Variants in KLHL28 observed in about 807,000 individuals in gnomAD.
The protein encoded by KLHL28 is kelch like family member 28.
In KLHL28, 22 loss-of-function variants were observed where a neutral mutation model predicts 48.3. The observed-to-expected ratio is 0.46, with a 90% CI of 0.33 to 0.65. The LOEUF (loss-of-function observed/expected upper bound fraction) is 0.65. KLHL28 is among the 30% of genes least tolerant of loss of function. The probability of loss-of-function intolerance (pLI) is 0.03; values close to 1 mark genes in which losing one functional copy is unlikely to be tolerated. For missense variants in KLHL28, 527 were observed against 704.3 expected (o/e 0.75, Z 2.85); for synonymous variants, 243 against 242.4 (o/e 1.00, Z -0.02).
At chr14:44,940,826 T>G (rs1018625107) in intron 2 of KLHL28, among the ~76,000 whole-genome samples, 1 of 152,160 alleles carries the variant, frequency 6.6e-6, no homozygotes, top group Non-Finnish European at 1.5e-5. Context: ...CCCTCTTTAC[T>G]TATCTCTTTA....
At chr14:44,946,405 T>G (rs937662694) in intron 1 of KLHL28, among the ~76,000 whole-genome samples, 2 of 152,134 alleles carry the variant, frequency 1.3e-5, no homozygotes, top group African/African-American at 4.8e-5. Context: ...TACCCAAAAT[T>G]TCAATAATTG....
rs112905747 is a variant in KLHL28, at chr14:44,954,510, G to T, written c.-1+7336C>A. On this transcript the variant is annotated intron_variant, in intron 1 of 4. Coordinates refer to ENST00000396128, the MANE Select transcript of KLHL28 (RefSeq NM_017658.5). ...TCCACACAATGCAGTACTATACAGC[G>T]ATGAAAAGGAATGAGGAATCTCTGT... Among the ~76,000 whole-genome samples the T allele has an allele frequency of 2.0e-5, 3 of 152,268 alleles. No homozygotes were observed. In the South Asian group the frequency reaches 6.2e-4, roughly 32 times the overall value.
Position 44,934,225 on chromosome 14 carries a change from T to C in KLHL28, c.1233A>G (p.Arg411=), listed in dbSNP as rs781600798. Residue 411 remains arginine (R), a synonymous_variant, in exon 3 of 5, where the codon AGA becomes AGG. Transcript: ENST00000396128. ...QSVEKYIPKI[R]KWQPVAPMTT... is the part of the protein sequence containing the mutation. ...TCATTGGTGCCACAGGTTGCCATTTTCTTATTTTGGGAATGTACTTCTCTA... is the reference window on the plus strand; with the variant it reads ...TCATTGGTGCCACAGGTTGCCATTTCCTTATTTTGGGAATGTACTTCTCTA... 6.2e-7 allele frequency: 1 copy of C among 1,614,206 alleles called. No homozygotes were observed. Among genetic ancestry groups the C allele is most frequent in the Non-Finnish European group, 8.5e-7 (1 of 1,180,020 alleles).
At position 44,934,371 on chromosome 14, in the gene KLHL28, T is replaced by C. The variant is rs772157986; in HGVS notation, c.1087A>G (p.Thr363Ala). Residue 363 changes from threonine (T) to alanine (A), a missense_variant, in exon 3 of 5, where the codon ACA (threonine) becomes GCA (alanine). Thr to Ala is a moderately conservative substitution (Grantham distance 58, BLOSUM62 0). Transcript: ENST00000396128. The part of the protein sequence containing the change: ...ENSVECWNPD[T>A]NTWTSLERMN... Reference sequence around the variant, plus strand: ...CTCTCTAGAGAAGTCCAAGTATTTGTATCAGGATTCCAGCATTCCACTGAA... The same window carrying C: ...CTCTCTAGAGAAGTCCAAGTATTTGCATCAGGATTCCAGCATTCCACTGAA... 1 of 1,614,198 alleles carries C rather than the reference T, an allele frequency of 6.2e-7. No homozygotes were observed. Among genetic ancestry groups the C allele is most frequent in the East Asian group, 2.2e-5 (1 of 44,882 alleles).
chr14:44,935,906 T>TATATATATATATATATATATATATATA (rs1429152138), intron 2 of KLHL28, among the ~76,000 whole-genome samples: 59 of 13,864 alleles, frequency 4.3e-3, no homozygotes, highest in Non-Finnish European at 0.011. Flanking sequence ...ATATATATCT[T>TATATATATATATATATATATATATATA]TACCCTCCCC....
chr14:44,933,656 A>G (rs1361756219), intron 3 of KLHL28, among the ~76,000 whole-genome samples: 1 of 152,234 alleles, frequency 6.6e-6, no homozygotes, highest in Admixed American at 6.5e-5. Context: ...ACCTGATGAT[A>G]CATGTATGAT....
intron 1 of KLHL28, among the ~76,000 whole-genome samples, chr14:44,954,000 G>A (rs1884693716): frequency 6.6e-6 from 1 of 152,024 alleles, no homozygotes; most frequent in African/African-American, 2.4e-5. Context: ...AGCCCTATAG[G>A]AAAAATTGGT....
intron 2 of KLHL28, among the ~76,000 whole-genome samples, chr14:44,938,870 C>A (rs567367715): frequency 6.6e-6 from 1 of 152,282 alleles, no homozygotes; most frequent in South Asian, 2.1e-4. Flanking sequence ...ACACTACTTG[C>A]ACTACAGTTC....
At chr14:44,958,465 T>C (rs1042774274) in intron 1 of KLHL28, among the ~76,000 whole-genome samples, 1 of 152,098 alleles carries the variant, frequency 6.6e-6, no homozygotes, top group Non-Finnish European at 1.5e-5. Flanking sequence ...ATTAGGAGAA[T>C]ATTCTATCAC....
At chr14:44,959,919 T>TA (rs1884959026) in intron 1 of KLHL28, among the ~76,000 whole-genome samples, 2 of 151,808 alleles carry the variant, frequency 1.3e-5, no homozygotes, top group South Asian at 2.1e-4. Context: ...TTCCAAAGAT[T>TA]AAAAAAAATC....
intron 1 of KLHL28, among the ~76,000 whole-genome samples, chr14:44,950,850 A>G (rs183411626): frequency 6.6e-6 from 1 of 152,312 alleles, no homozygotes; most frequent in East Asian, 1.9e-4. Flanking sequence ...AACTATATCC[A>G]TGAAATGCCT....
At chr14:44,936,250 C>T (rs1883820162) in intron 2 of KLHL28, among the ~76,000 whole-genome samples, 1 of 151,642 alleles carries the variant, frequency 6.6e-6, no homozygotes, top group African/African-American at 2.4e-5. Context: ...GACCATGGGA[C>T]CAGAGGGGAT....
At chr14:44,930,696 A>C (rs1459797554) in intron 4 of KLHL28, among the ~76,000 whole-genome samples, 1 of 152,198 alleles carries the variant, frequency 6.6e-6, no homozygotes, top group Non-Finnish European at 1.5e-5. Flanking sequence ...AAAATCCCAA[A>C]TCCAAAACCT....
intron 2 of KLHL28, among the ~76,000 whole-genome samples, chr14:44,935,398 C>T (rs915501601): frequency 2.0e-5 from 3 of 152,064 alleles, no homozygotes; most frequent in African/African-American, 7.2e-5. Flanking sequence ...CTGAGCTGTA[C>T]ATTTGGGATT....
At chr14:44,931,693 T>C (rs1021909455) in intron 3 of KLHL28, 152 bp from the exon 4 acceptor site, 10 of 633,388 alleles carry the variant, frequency 1.6e-5, no homozygotes, top group Non-Finnish European at 2.7e-5. Flanking sequence ...GTTTTGCTGA[T>C]AAGATTGCAA....
intron 1 of KLHL28, chr14:44,961,022 A>G: frequency 6.9e-6 from 5 of 719,724 alleles, no homozygotes; most frequent in Non-Finnish European, 9.5e-6. Flanking sequence ...TATCTCTTCC[A>G]CACTCCAAAG....
At chr14:44,952,985 A>G (rs1390433756) in intron 1 of KLHL28, among the ~76,000 whole-genome samples, 3 of 152,128 alleles carry the variant, frequency 2.0e-5, no homozygotes, top group African/African-American at 7.2e-5. Context: ...ATTTAAGTCT[A>G]CATTTTGCTA....
chr14:44,959,308 T>C (rs1884934237), intron 1 of KLHL28: 1 of 152,118 alleles, frequency 6.6e-6, no homozygotes. Flanking sequence ...AAAATTCTTG[T>C]GAGGATTAAA....
intron 1 of KLHL28, among the ~76,000 whole-genome samples, chr14:44,955,618 A>G (rs1027423981): frequency 6.6e-6 from 1 of 152,168 alleles, no homozygotes; most frequent in African/African-American, 2.4e-5. Flanking sequence ...TCTACAAAGA[A>G]AAAAAACAAA....
Sources: allele counts gnomAD v4.1 joint callset (sites outside exome capture counted in the v4.1 genomes callset), GRCh38; gene constraint gnomAD v4.1.1; transcripts MANE v1.5; gene names NCBI Gene and HGNC (gene_info 2026-07-23, HGNC 2026-07-21).